GSS: variants seen among roughly 807,000 people sequenced by gnomAD.
The protein encoded by GSS is GSH synthetase.
Under a neutral mutation model 60.4 loss-of-function variants are expected in GSS, and 34 were observed. That is an observed-to-expected ratio of 0.56 (90% CI 0.43 to 0.75). The LOEUF (loss-of-function observed/expected upper bound fraction) is 0.75, where lower values mean the gene tolerates loss of function less well. Ranked by LOEUF, GSS falls within the 30% of genes least tolerant of loss-of-function variation. The pLI is 0.00. For missense variants in GSS, 499 were observed against 595.1 expected, an observed-to-expected ratio of 0.84 and a Z score of 1.68; for synonymous variants, 224 against 239.0, an observed-to-expected ratio of 0.94 and a Z score of 0.58.
chr20:34,938,085 T>TG (rs1236309585), intron 6 of GSS, among the ~76,000 whole-genome samples: 2 of 152,156 alleles, frequency 1.3e-5, no homozygotes, highest in African/African-American at 4.8e-5. Context: ...CTCGAACTCC[T>TG]GACCTCAGGT....
intron 2 of GSS, among the ~76,000 whole-genome samples, chr20:34,951,201 T>C (rs1275391138): frequency 6.6e-6 from 1 of 152,202 alleles, no homozygotes; most frequent in Non-Finnish European, 1.5e-5. Context: ...CATTAGAAAG[T>C]TCTAAGACAG....
chr20:34,929,322 G>A, intron 12 of GSS, 79 bp downstream of exon 12: 2 of 1,175,122 alleles, frequency 1.7e-6, no homozygotes, highest in Non-Finnish European at 2.6e-6. Context: ...ACTCTTTCCA[G>A]TGTTCCCCTC....
At chr20:34,928,976 C>T (rs2081375803) in intron 12 of GSS, 25 bp from the exon 13 acceptor site, 1 of 1,612,486 alleles carries the variant, frequency 6.2e-7, no homozygotes, top group Non-Finnish European at 8.5e-7. Context: ...GCAGGGGACA[C>T]ACATCACCTG....
chr20:34,951,984 G>T, intron 1 of GSS, 124 bp from the exon 2 acceptor site: 1 of 919,656 alleles, frequency 1.1e-6, no homozygotes, highest in Non-Finnish European at 1.7e-6. Flanking sequence ...GAACAGCGTG[G>T]TATACAGGAG....
chr20:34,929,865 A>C (rs1366416678), intron 11 of GSS, among the ~76,000 whole-genome samples: 1 of 152,134 alleles, frequency 6.6e-6, no homozygotes, highest in African/African-American at 2.4e-5. Flanking sequence ...TCCTTCTCTT[A>C]AATGCTGGGG....
chr20:34,951,623 C>T (rs2081568841), intron 2 of GSS, 101 bp downstream of exon 2: 1 of 1,332,860 alleles, frequency 7.5e-7, no homozygotes. Flanking sequence ...AAAAATAAGG[C>T]AAAAGAGATA....
At chr20:34,950,393 A>G (rs956455002) in intron 2 of GSS, among the ~76,000 whole-genome samples, 2 of 152,060 alleles carry the variant, frequency 1.3e-5, no homozygotes, top group African/African-American at 4.8e-5. Flanking sequence ...GGGTCTGGCT[A>G]AAAAAAGAAG....
intron 11 of GSS, among the ~76,000 whole-genome samples, chr20:34,929,997 G>T (rs1333164619): frequency 6.6e-6 from 1 of 152,128 alleles, no homozygotes; most frequent in African/African-American, 2.4e-5. Context: ...GCCGGGCATG[G>T]TGGCTCACGC....
chr20:34,952,056 A>AAGCATTTCCATTGCCAC (rs1443670519), intron 1 of GSS, 196 bp from the exon 2 acceptor site: 15 of 627,324 alleles, frequency 2.4e-5, no homozygotes, highest in Non-Finnish European at 3.5e-5. Flanking sequence ...AAGCTTGACA[A>AAGCATTTCCATTGCCAC]AGCATTTCCA....
intron 1 of GSS, chr20:34,954,651 C>G (rs2081605445): frequency 6.5e-6 from 1 of 153,728 alleles, no homozygotes; most frequent in African/African-American, 2.4e-5. Flanking sequence ...TCAACCCTCC[C>G]TTGGCTTTAT....
intron 9 of GSS, chr20:34,934,163 G>A (rs1379988084): frequency 1.4e-5 from 2 of 147,716 alleles, no homozygotes; most frequent in African/African-American, 5.0e-5. Context: ...GTCAACAAGA[G>A]CAAAACTCTG....
chr20:34,944,206 T>C (rs554333803), intron 3 of GSS, among the ~76,000 whole-genome samples: 1 of 152,298 alleles, frequency 6.6e-6, no homozygotes, highest in East Asian at 1.9e-4. Context: ...CCTTCATGTT[T>C]TGTAGGGGGC....
rs2081443616 is a variant in GSS at position 34,936,783 on chromosome 20, G to C, written c.747C>G (p.Asp249Glu). ...FEDISEKGSL[D>E]QDRRLFVDGQ... is the part of the protein sequence containing the mutation. The stretch of plus-strand genomic sequence containing the variant: ...CTTACACAAACAGCCTTCGGTCTTG[G>C]TCCAGAGACCCCTTTTCAGAGATAT... The change falls in exon 8 of 13, where the codon GAC (aspartate) becomes GAG (glutamate). Residue 249 changes from aspartate (D) to glutamate (E), a missense_variant. Transcript: ENST00000651619. 6.2e-7 allele frequency: 1 copy of C among 1,613,634 alleles called. No individual in the cohort carries two copies. The highest frequency in any genetic ancestry group is 8.5e-7 in the Non-Finnish European group (1 of 1,179,646).
In GSS at chr20:34,936,808, T is replaced by C. The variant is rs200662956; in HGVS notation, c.722A>G (p.Asp241Gly). The change falls in exon 8 of 13, where the codon GAT becomes GGT. Residue 241 changes from aspartate to glycine, a missense_variant. By Grantham distance (94) the Asp-to-Gly change is moderately conservative. Coordinates refer to ENST00000651619, the MANE Select transcript of GSS (RefSeq NM_000178.4). Reference protein sequence around the residue: ...NIHVIRRTFEDISEKGSLDQD... With the variant: ...NIHVIRRTFEGISEKGSLDQD... ...GTCCAGAGACCCCTTTTCAGAGATA[T>C]CTTCAAATGTTCGTCGGATCACATG... 12 of 1,614,064 alleles carry C rather than the reference T, an allele frequency of 7.4e-6. No homozygotes were observed. In the African/African-American group the frequency reaches 1.2e-4, roughly 16 times the overall value.
At chr20:34,951,500 G>A in intron 2 of GSS, 1 of 557,954 alleles carries the variant, frequency 1.8e-6, no homozygotes, top group Non-Finnish European at 3.2e-6. Flanking sequence ...CTGCAGCTGA[G>A]AGCGGTTAAG....
intron 9 of GSS, among the ~76,000 whole-genome samples, chr20:34,933,101 C>T (rs191894478): frequency 6.6e-6 from 1 of 152,244 alleles, no homozygotes; most frequent in Non-Finnish European, 1.5e-5. Flanking sequence ...CTACCTAGGC[C>T]TCCCAAAGTG....
chr20:34,947,712 G>A (rs2081533578), intron 2 of GSS, among the ~76,000 whole-genome samples: 1 of 151,114 alleles, frequency 6.6e-6, no homozygotes, highest in Admixed American at 6.6e-5. Flanking sequence ...TTTAATTGCT[G>A]TATATTATTC....
chr20:34,951,492 G>A (rs1483637754), intron 2 of GSS: 4 of 541,238 alleles, frequency 7.4e-6, no homozygotes, highest in Non-Finnish European at 1.3e-5. Context: ...TGAAGAAACT[G>A]CAGCTGAGAG....
intron 3 of GSS, 119 bp downstream of exon 3, chr20:34,945,834 G>C (rs1013809062): frequency 1.9e-6 from 2 of 1,073,834 alleles, no homozygotes; most frequent in Non-Finnish European, 2.8e-6. Flanking sequence ...TTGTTCTTTG[G>C]AGGTACCTTT....
Sources: gnomAD v4.1 joint callset for allele counts (sites outside exome capture counted in the v4.1 genomes callset) on GRCh38, gnomAD v4.1.1 for gene constraint, MANE v1.5 for transcripts, NCBI Gene and HGNC (gene_info 2026-07-23, HGNC 2026-07-21) for gene names.